The following RNGTT variants were observed in gnomAD, a reference collection of about 807,000 sequenced individuals.
The protein encoded by RNGTT is RNA guanylyltransferase and 5'-phosphatase.
A neutral mutation model predicts 79.3 loss-of-function variants in RNGTT; 33 were observed. The ratio of observed to expected loss-of-function variants is 0.42; its 90% CI spans 0.32 to 0.56. The LOEUF (loss-of-function observed/expected upper bound fraction) is 0.56. Ranked by LOEUF, RNGTT falls within the 20% of genes least tolerant of loss-of-function variation. The pLI, the probability that RNGTT is intolerant of heterozygous loss-of-function variation, is 0.17. For missense variants in RNGTT, 497 were observed against 739.1 expected, an observed-to-expected ratio of 0.67 and a Z score of 3.80; for synonymous variants, 222 against 235.9, an observed-to-expected ratio of 0.94 and a Z score of 0.54.
At chr6:88,657,271 A>T (rs914834339) in intron 14 of RNGTT, among the ~76,000 whole-genome samples, 1 of 152,238 alleles carries the variant, frequency 6.6e-6, no homozygotes, top group Non-Finnish European at 1.5e-5. Context: ...AATCCAGATC[A>T]TGGGAGAAGG....
intron 14 of RNGTT, among the ~76,000 whole-genome samples, chr6:88,631,605 G>C (rs1772889814): frequency 6.6e-6 from 1 of 152,168 alleles, no homozygotes; most frequent in Non-Finnish European, 1.5e-5. Flanking sequence ...ATGGTGGCCA[G>C]TGCAGGAGCT....
chr6:88,657,951 T>C (rs2756388), intron 14 of RNGTT, among the ~76,000 whole-genome samples: 40,611 of 152,008 alleles, frequency 0.27, 9,519 homozygotes, highest in African/African-American at 0.63. Flanking sequence ...TCCTGCCCCA[T>C]CTGATGGTTT....
intron 1 of RNGTT, 93 bp downstream of exon 1, chr6:88,963,253 G>T: frequency 1.6e-6 from 2 of 1,283,066 alleles, no homozygotes; most frequent in Non-Finnish European, 1.1e-6. Context: ...TACCACTAAT[G>T]GGCACAGAAC....
chr6:88,816,265 T>A (rs1780311218), intron 11 of RNGTT, among the ~76,000 whole-genome samples: 1 of 152,198 alleles, frequency 6.6e-6, no homozygotes, highest in South Asian at 2.1e-4. Flanking sequence ...CTATTAGTTA[T>A]CTTCCATGCC....
Position 88,869,341 on chromosome 6 carries a change from G to A in RNGTT, c.897-15577C>T, listed in dbSNP as rs75474052. On this transcript the variant is annotated intron_variant, in intron 8 of 15. Coordinates refer to ENST00000369485, the MANE Select transcript of RNGTT (RefSeq NM_003800.5). ...ACAGGAGTTATAGCAGTTTATAAAG[G>A]AGAAAGTATTTTGACCTTTTTCGTG... 3.2e-3 allele frequency among the ~76,000 whole-genome samples: 483 copies of A among 152,280 alleles called. 1 individual carries two copies. The highest frequency in any genetic ancestry group is 0.011 in the African/African-American group (463 of 41,570).
At chr6:88,855,738 A>T (rs117883183) in intron 8 of RNGTT, among the ~76,000 whole-genome samples, 2,461 of 152,102 alleles carry the variant, frequency 0.016, 34 homozygotes, top group Non-Finnish European at 0.022. Context: ...TATCTGAAAG[A>T]CTCCTAGACC....
intron 12 of RNGTT, among the ~76,000 whole-genome samples, chr6:88,773,806 C>A (rs1411428662): frequency 6.6e-6 from 1 of 152,040 alleles, no homozygotes; most frequent in Non-Finnish European, 1.5e-5. Context: ...ATACCATATA[C>A]AAAGATTAAC....
At chr6:88,672,533 A>G (rs1774693096) in intron 14 of RNGTT, among the ~76,000 whole-genome samples, 1 of 152,070 alleles carries the variant, frequency 6.6e-6, no homozygotes. Context: ...GAATGATATA[A>G]TGGACTCTGG....
chr6:88,771,371 A>ACT (rs1562244398), intron 12 of RNGTT, among the ~76,000 whole-genome samples: 7 of 138,738 alleles, frequency 5.0e-5, no homozygotes, highest in South Asian at 2.3e-4. Context: ...ACACACACAC[A>ACT]ATTTCTTTTC....
rs75347879 is a variant in RNGTT at position 88,814,779 on chromosome 6, G to C, written c.1270-13147C>G. ...GTCTGGATGTCATGAGGGAGAAAAA[G>C]TAGAGAGATTTAAAAAAAAGGAAAA... On this transcript the variant is annotated intron_variant, in intron 11 of 15. Coordinates refer to ENST00000369485, the MANE Select transcript of RNGTT (RefSeq NM_003800.5). Among the ~76,000 whole-genome samples the C allele has an allele frequency of 5.4e-4, 82 of 152,130 alleles. No individual in the cohort carries two copies. In the East Asian group the frequency reaches 0.014, roughly 26 times the overall value.
At chr6:88,853,205 A>G (rs1781726751) in intron 9 of RNGTT, among the ~76,000 whole-genome samples, 2 of 152,210 alleles carry the variant, frequency 1.3e-5, no homozygotes, top group African/African-American at 4.8e-5. Flanking sequence ...GAAATTTAAC[A>G]TCCTAATAAA....
chr6:88,761,018 TACACAC>T (rs59719740), intron 13 of RNGTT, among the ~76,000 whole-genome samples: 2,856 of 131,202 alleles, frequency 0.022, 85 homozygotes, highest in African/African-American at 0.075. Flanking sequence ...GCAAAAGAAA[TACACAC>T]ACACACACAC....
At chr6:88,824,888 G>A (rs969235504) in intron 11 of RNGTT, among the ~76,000 whole-genome samples, 15 of 151,612 alleles carry the variant, frequency 9.9e-5, no homozygotes, top group East Asian at 3.9e-4. Flanking sequence ...GATTATAGGC[G>A]TCCACCACCA....
At chr6:88,649,113 G>A (rs1241173849) in intron 14 of RNGTT, among the ~76,000 whole-genome samples, 1 of 152,114 alleles carries the variant, frequency 6.6e-6, no homozygotes, top group Non-Finnish European at 1.5e-5. Context: ...TAAAGTCACA[G>A]TTTCCAAGAA....
intron 13 of RNGTT, among the ~76,000 whole-genome samples, chr6:88,759,343 C>A (rs1001489088): frequency 1.3e-5 from 2 of 152,126 alleles, no homozygotes; most frequent in African/African-American, 4.8e-5. Context: ...CCCTACCCGG[C>A]TCTAGAATAA....
intron 6 of RNGTT, among the ~76,000 whole-genome samples, chr6:88,896,455 G>C (rs1487783371): frequency 5.9e-5 from 9 of 152,158 alleles, no homozygotes; most frequent in African/African-American, 2.2e-4. Context: ...TAGAAGCTTC[G>C]AGACAGTTAA....
chr6:88,832,401 A>G (rs1780901514), intron 11 of RNGTT, among the ~76,000 whole-genome samples: 1 of 152,208 alleles, frequency 6.6e-6, no homozygotes, highest in Non-Finnish European at 1.5e-5. Context: ...CAGAAAACTG[A>G]AACTGGACCC....
At chr6:88,803,948 T>C (rs937157580) in intron 11 of RNGTT, among the ~76,000 whole-genome samples, 2 of 152,158 alleles carry the variant, frequency 1.3e-5, no homozygotes, top group Non-Finnish European at 2.9e-5. Flanking sequence ...GACTGAAAAT[T>C]CATGGGTCAA....
chr6:88,880,481 ATGTG>A (rs1181961333), intron 8 of RNGTT, among the ~76,000 whole-genome samples: 5 of 152,180 alleles, frequency 3.3e-5, no homozygotes, highest in Non-Finnish European at 4.4e-5. Flanking sequence ...ATGCTTGTAT[ATGTG>A]TGTGTATTAT....
Sources: allele counts gnomAD v4.1 joint callset (sites outside exome capture counted in the v4.1 genomes callset), GRCh38; gene constraint gnomAD v4.1.1; transcripts MANE v1.5; gene names NCBI Gene and HGNC (gene_info 2026-07-23, HGNC 2026-07-21).